Variants in PITPNC1 observed in about 807,000 individuals in gnomAD.
PITPNC1 encodes cytoplasmic phosphatidylinositol transfer protein 1.
A neutral mutation model predicts 44.7 loss-of-function variants in PITPNC1; 18 were observed. The observed-to-expected ratio is 0.40, with a 90% CI of 0.28 to 0.60. The LOEUF (loss-of-function observed/expected upper bound fraction) is 0.60. Among genes scored for constraint, PITPNC1 ranks in the 20% least tolerant of loss-of-function variants. PITPNC1 has a pLI of 0.39. For missense variants in PITPNC1, 290 were observed against 418.4 expected (o/e 0.69, Z 2.68); for synonymous variants, 141 against 149.6 (o/e 0.94, Z 0.42).
At chr17:67,585,629 C>A (rs1426438123) in intron 5 of PITPNC1, among the ~76,000 whole-genome samples, 1 of 152,002 alleles carries the variant, frequency 6.6e-6, no homozygotes, top group African/African-American at 2.4e-5. Flanking sequence ...GTGGCAAAAC[C>A]CCATCTGTAC....
chr17:67,400,298 C>T (rs2038288037), intron 1 of PITPNC1, among the ~76,000 whole-genome samples: 1 of 152,132 alleles, frequency 6.6e-6, no homozygotes, highest in Non-Finnish European at 1.5e-5. Context: ...CTATAAATTG[C>T]TACTTTAAAT....
intron 1 of PITPNC1, among the ~76,000 whole-genome samples, chr17:67,484,446 T>G (rs1356658282): frequency 6.6e-6 from 1 of 152,236 alleles, no homozygotes; most frequent in Non-Finnish European, 1.5e-5. Flanking sequence ...ATCATTCATC[T>G]CTAGCTCAGT....
chr17:67,411,838 G>A (rs2038503471), intron 1 of PITPNC1, among the ~76,000 whole-genome samples: 1 of 152,062 alleles, frequency 6.6e-6, no homozygotes, highest in Non-Finnish European at 1.5e-5. Context: ...ACAATCCTGG[G>A]AAATAGATTC....
intron 6 of PITPNC1, among the ~76,000 whole-genome samples, chr17:67,661,477 T>G (rs1299353262): frequency 1.3e-5 from 2 of 152,244 alleles, no homozygotes; most frequent in African/African-American, 4.8e-5. Context: ...CCAGGCCCAC[T>G]GTCTTCCTGC....
intron 7 of PITPNC1, among the ~76,000 whole-genome samples, chr17:67,672,123 G>A (rs990838070): frequency 6.6e-6 from 1 of 151,612 alleles, no homozygotes; most frequent in African/African-American, 2.4e-5. Context: ...TAGTAGAGAC[G>A]GGGTTTCACC....
At chr17:67,687,265 C>T (rs1418443951) in intron 8 of PITPNC1, 10 of 761,876 alleles carry the variant, frequency 1.3e-5, no homozygotes, top group Admixed American at 8.5e-5. Context: ...TGCAGATGCC[C>T]GGTTCGCAAC....
chr17:67,555,061 G>T (rs1004789304), intron 4 of PITPNC1, among the ~76,000 whole-genome samples: 1 of 151,626 alleles, frequency 6.6e-6, no homozygotes, highest in African/African-American at 2.4e-5. Context: ...ATTTCCCCCC[G>T]CAATGTCCCT....
rs368232007 is a variant in PITPNC1 at position 67,418,557 on chromosome 17, A to AT, written c.48+40366dup. Among the ~76,000 whole-genome samples, 522 of 147,714 alleles carry AT rather than the reference A, an allele frequency of 3.5e-3. 2 individuals carry two copies. The highest frequency in any genetic ancestry group is 5.2e-3 in the African/African-American group (210 of 40,376). ...AGCTGAGGATGGGGGCATATTAGGAATTTTTTTTTTTCTTTTTGAGATGGA... is the reference window on the plus strand; with the variant it reads ...AGCTGAGGATGGGGGCATATTAGGAATTTTTTTTTTTTCTTTTTGAGATGGA... On this transcript the variant is annotated intron_variant, in intron 1 of 8. Transcript: ENST00000581322.
At chr17:67,428,965 C>G (rs962632334) in intron 1 of PITPNC1, among the ~76,000 whole-genome samples, 4 of 141,604 alleles carry the variant, frequency 2.8e-5, no homozygotes, top group Non-Finnish European at 1.5e-5. Context: ...CTCAGCCTCC[C>G]GAGTAGCTGG....
intron 2 of PITPNC1, among the ~76,000 whole-genome samples, chr17:67,533,218 G>T (rs933133222): frequency 4.6e-5 from 7 of 152,146 alleles, no homozygotes; most frequent in Non-Finnish European, 1.0e-4. Flanking sequence ...TATACTCACA[G>T]TACTGCACTC....
intron 1 of PITPNC1, among the ~76,000 whole-genome samples, chr17:67,502,692 G>A (rs2040047588): frequency 6.6e-6 from 1 of 152,160 alleles, no homozygotes; most frequent in East Asian, 1.9e-4. Context: ...AATTGGTCTA[G>A]TTTTGGGTAC....
chr17:67,601,703 C>T (rs2041542200), intron 5 of PITPNC1, among the ~76,000 whole-genome samples: 1 of 151,928 alleles, frequency 6.6e-6, no homozygotes, highest in Admixed American at 6.6e-5. Context: ...TGCAGTGAGC[C>T]ATGATTGCGC....
intron 1 of PITPNC1, among the ~76,000 whole-genome samples, chr17:67,491,221 C>T (rs1417638866): frequency 6.6e-6 from 1 of 152,226 alleles, no homozygotes; most frequent in African/African-American, 2.4e-5. Context: ...GTGAACGCAG[C>T]CGGCCACTGC....
At chr17:67,381,151 C>T (rs1018603594) in intron 1 of PITPNC1, among the ~76,000 whole-genome samples, 3 of 151,606 alleles carry the variant, frequency 2.0e-5, no homozygotes, top group African/African-American at 7.3e-5. Context: ...CACAGTGAAA[C>T]CCCGTCTCTA....
intron 1 of PITPNC1, among the ~76,000 whole-genome samples, chr17:67,411,679 T>TTATG (rs972723676): frequency 3.9e-5 from 6 of 152,064 alleles, no homozygotes; most frequent in African/African-American, 1.4e-4. Flanking sequence ...CAAGGTAACG[T>TTATG]TATGATTGGT....
chr17:67,527,624 C>T (rs1432411168), intron 1 of PITPNC1, among the ~76,000 whole-genome samples: 1 of 151,998 alleles, frequency 6.6e-6, no homozygotes, highest in African/African-American at 2.4e-5. Flanking sequence ...TTTCTTAAAC[C>T]CAGGAGGTGG....
chr17:67,612,338 GA>G (rs2041697849), intron 5 of PITPNC1: 1 of 152,580 alleles, frequency 6.6e-6, no homozygotes, highest in Non-Finnish European at 1.5e-5. Flanking sequence ...GTGAGTTGAT[GA>G]GAGGAGGCAG....
chr17:67,400,001 CA>C (rs1364252689), intron 1 of PITPNC1, among the ~76,000 whole-genome samples: 1 of 152,200 alleles, frequency 6.6e-6, no homozygotes, highest in Non-Finnish European at 1.5e-5. Flanking sequence ...GGGCTGATCT[CA>C]TGCAATACGG....
At chr17:67,523,698 C>A (rs934688192) in intron 1 of PITPNC1, among the ~76,000 whole-genome samples, 1 of 151,906 alleles carries the variant, frequency 6.6e-6, no homozygotes, top group African/African-American at 2.4e-5. Flanking sequence ...ACAATTATCA[C>A]GTCTCTGGAG....
Sources: allele counts gnomAD v4.1 joint callset (sites outside exome capture counted in the v4.1 genomes callset), GRCh38; gene constraint gnomAD v4.1.1; transcripts MANE v1.5; gene names NCBI Gene and HGNC (gene_info 2026-07-23, HGNC 2026-07-21).